DCHS2: variants seen among roughly 807,000 people sequenced by gnomAD.
DCHS2 encodes the protein protocadherin-23.
A neutral mutation model predicts 182.4 loss-of-function variants in DCHS2; 142 were observed. The observed-to-expected ratio is 0.78, with a 90% CI of 0.68 to 0.89. The LOEUF is 0.89. Ranked by LOEUF, DCHS2 falls within the 40% of genes least tolerant of loss-of-function variation. DCHS2 has a pLI of 0.00. For missense variants in DCHS2, 4,319 were observed against 4,198.6 expected (o/e 1.03, Z -0.79); for synonymous variants, 1,740 against 1,663.3 (o/e 1.05, Z -1.12).
rs1731393829 is a variant in DCHS2 at position 154,235,083 on chromosome 4, CTCTT to C, written c.9565_9568del (p.Lys3189GlufsTer24). 1 of 1,613,836 alleles carries C rather than the reference CTCTT, an allele frequency of 6.2e-7. No individual in the cohort carries two copies. The highest frequency in any genetic ancestry group is 8.5e-7 in the Non-Finnish European group (1 of 1,179,956). Reference sequence around the variant, plus strand: ...AGCCAGGATGCTCTCTTTTGCCTCTCTCTTCTGAACTGTCTGGGGTAACACATTA... The same window carrying C: ...AGCCAGGATGCTCTCTTTTGCCTCTCCTGAACTGTCTGGGGTAACACATTA... On this transcript the variant is annotated frameshift_variant, in exon 20 of 20. Coordinates refer to ENST00000357232, the MANE Select transcript of DCHS2 (RefSeq NM_001358235.2). LOFTEE classifies it low-confidence loss of function (END_TRUNC).
chr4:154,300,766 T>C (rs1489358310), intron 12 of DCHS2, among the ~76,000 whole-genome samples: 2 of 152,050 alleles, frequency 1.3e-5, no homozygotes, highest in African/African-American at 4.8e-5. Flanking sequence ...AGTAATCTAC[T>C]TGCGCAACAA....
chr4:154,349,877 A>G (rs1729528216), intron 3 of DCHS2, among the ~76,000 whole-genome samples: 1 of 152,240 alleles, frequency 6.6e-6, no homozygotes, highest in South Asian at 2.1e-4. Flanking sequence ...ATGCATAGCT[A>G]GTTCCAGAAA....
rs1158064465 is a variant in DCHS2, at chr4:154,490,734, G to A, written c.622C>T (p.Gln208Ter). Residue 208 changes from glutamine (Q) to a stop codon, truncating the protein, a stop_gained, in exon 1 of 20, where the codon CAA (glutamine) becomes TAA (stop). Coordinates refer to ENST00000357232, the MANE Select transcript of DCHS2 (RefSeq NM_001358235.2). LOFTEE classifies it high-confidence loss of function. ...GGGTCCTTGGGCAGGTCGGACGGTTGCACCAGGGTGTAGCCCTGAGTGCTG... is the reference window on the plus strand; with the variant it reads ...GGGTCCTTGGGCAGGTCGGACGGTTACACCAGGGTGTAGCCCTGAGTGCTG... ...LFSTQGYTLV[Q>*]PSDLPKDPAG... is the part of the protein sequence containing the mutation. 6 of 1,551,630 alleles carry A rather than the reference G, an allele frequency of 3.9e-6. No homozygotes were observed. The highest frequency in any genetic ancestry group is 5.2e-6 in the Non-Finnish European group (6 of 1,146,920).
At chr4:154,434,256 C>G (rs1733681453) in intron 1 of DCHS2, among the ~76,000 whole-genome samples, 1 of 152,068 alleles carries the variant, frequency 6.6e-6, no homozygotes, top group South Asian at 2.1e-4. Context: ...CCTGTCACTA[C>G]AGAAAATTTT....
In DCHS2 at chr4:154,417,192, TGTGTGTGTGTGTGAGAGAGAGAGA is replaced by T. The variant is rs1560745722; in HGVS notation, c.2053-39772_2053-39749del. On this transcript the variant is annotated intron_variant, in intron 1 of 19. Coordinates refer to ENST00000357232, the MANE Select transcript of DCHS2 (RefSeq NM_001358235.2). ...GTGTGTGTGTGTGTGTGTGTGTGTG[TGTGTGTGTGTGTGAGAGAGAGAGA>T]GAGAGAGAGAGAGAGAGAGAGAGAG... Among the ~76,000 whole-genome samples, 61 of 104,184 alleles carry T rather than the reference TGTGTGTGTGTGTGAGAGAGAGAGA, an allele frequency of 5.9e-4. 3 individuals carry two copies. Among genetic ancestry groups the T allele is most frequent in the South Asian group, 5.7e-3 (16 of 2,828 alleles). 68.3% of individuals were successfully genotyped at this position (104,184 alleles called of 152,430 possible).
intron 16 of DCHS2, among the ~76,000 whole-genome samples, chr4:154,247,635 CAAAAAAAAAAAAAAAAAAAAAAAA>C (rs67157369): frequency 6.0e-5 from 6 of 100,116 alleles, no homozygotes; most frequent in African/African-American, 8.1e-5. Flanking sequence ...GACTCCGTCT[CAAAAAAAAAAAAAAAAAAAAAAAA>C]AAAAAAAAAA....
intron 1 of DCHS2, among the ~76,000 whole-genome samples, chr4:154,425,714 C>T (rs1733296821): frequency 3.9e-5 from 6 of 152,226 alleles, no homozygotes; most frequent in Admixed American, 3.3e-4. Flanking sequence ...AGCCACAATG[C>T]TTAAATGAAC....
intron 1 of DCHS2, among the ~76,000 whole-genome samples, chr4:154,469,890 C>T (rs1260804476): frequency 6.6e-6 from 1 of 152,230 alleles, no homozygotes; most frequent in East Asian, 1.9e-4. Flanking sequence ...CCCAGCCACT[C>T]TTGAGCCCAT....
chr4:154,459,856 A>T (rs1237241110), intron 1 of DCHS2, among the ~76,000 whole-genome samples: 1 of 151,996 alleles, frequency 6.6e-6, no homozygotes, highest in African/African-American at 2.4e-5. Context: ...TAAAAATAGA[A>T]TATTCAAGAC....
At chr4:154,423,508 G>A (rs1733196169) in intron 1 of DCHS2, among the ~76,000 whole-genome samples, 1 of 152,156 alleles carries the variant, frequency 6.6e-6, no homozygotes, top group Non-Finnish European at 1.5e-5. Flanking sequence ...ACACAGAGAG[G>A]TGATCAAAAA....
At chr4:154,372,804 AGAGTATT>A (rs1311552861) in intron 2 of DCHS2, among the ~76,000 whole-genome samples, 1 of 152,218 alleles carries the variant, frequency 6.6e-6, no homozygotes, top group African/African-American at 2.4e-5. Flanking sequence ...CAGCAAAAAT[AGAGTATT>A]TCAGAAGTAA....
At chr4:154,370,817 T>G (rs1167748323) in intron 2 of DCHS2, among the ~76,000 whole-genome samples, 1 of 152,106 alleles carries the variant, frequency 6.6e-6, no homozygotes, top group Non-Finnish European at 1.5e-5. Flanking sequence ...CAGATTTACG[T>G]AGGGCTGGGG....
intron 16 of DCHS2, among the ~76,000 whole-genome samples, chr4:154,252,824 T>C (rs951243052): frequency 5.3e-5 from 8 of 152,218 alleles, no homozygotes; most frequent in African/African-American, 1.9e-4. Context: ...TGGGTATACA[T>C]CTAGGAGCAG....
chr4:154,394,541 CTT>C (rs1296521643), intron 1 of DCHS2, among the ~76,000 whole-genome samples: 1 of 152,196 alleles, frequency 6.6e-6, no homozygotes, highest in Admixed American at 6.5e-5. Context: ...TATTATCCCT[CTT>C]TGTCAAGATC....
At position 154,234,803 on chromosome 4, in the gene DCHS2, T is replaced by C. The variant is rs1332671528; in HGVS notation, c.9849A>G (p.Ala3283=). The change falls in exon 20 of 20, where the codon GCA becomes GCG. Residue 3283 remains alanine (A), a synonymous_variant. Transcript: ENST00000357232. Reference sequence around the variant, plus strand: ...CTGCTTTAATCCCAGGCTGGGCTACTGCTGTTATCAAAGGGGGTGGAAAAA... The same window carrying C: ...CTGCTTTAATCCCAGGCTGGGCTACCGCTGTTATCAAAGGGGGTGGAAAAA... ...SFVFPPPLIT[A]VAQPGIKAVP... The C allele has an allele frequency of 6.2e-7, 1 of 1,614,102 alleles. No homozygotes were observed. Among genetic ancestry groups the C allele is most frequent in the South Asian group, 1.1e-5 (1 of 91,082 alleles).
chr4:154,422,646 G>A (rs1272225555), intron 1 of DCHS2, among the ~76,000 whole-genome samples: 2 of 152,168 alleles, frequency 1.3e-5, no homozygotes, highest in African/African-American at 4.8e-5. Context: ...ATCTTCTGTT[G>A]TTTTAGCATA....
chr4:154,251,643 C>T (rs1732365323), intron 16 of DCHS2, among the ~76,000 whole-genome samples: 2 of 152,152 alleles, frequency 1.3e-5, no homozygotes, highest in African/African-American at 2.4e-5. Flanking sequence ...CTCAGCCTCC[C>T]GAGTAGCTGG....
rs1318193044 is a variant in DCHS2 at position 154,332,729 on chromosome 4, ACT to A, written c.3477_3478del (p.Arg1159SerfsTer25). Reference sequence around the variant, plus strand: ...TCCGTCCTCGGGGATCCAAGCAAACACTCTAAAATTATATGTTTGGGTGGATT... The same window carrying A: ...TCCGTCCTCGGGGATCCAAGCAAACACTAAAATTATATGTTTGGGTGGATT... On this transcript the variant is annotated frameshift_variant, in exon 5 of 20. Coordinates refer to ENST00000357232, the MANE Select transcript of DCHS2 (RefSeq NM_001358235.2). LOFTEE classifies it high-confidence loss of function. 9 of 1,614,050 alleles carry A rather than the reference ACT, an allele frequency of 5.6e-6. No individual in the cohort carries two copies. The highest frequency in any genetic ancestry group is 7.6e-6 in the Non-Finnish European group (9 of 1,180,038).
chr4:154,444,848 A>G (rs992879387), intron 1 of DCHS2, among the ~76,000 whole-genome samples: 8 of 152,090 alleles, frequency 5.3e-5, no homozygotes, highest in African/African-American at 1.9e-4. Context: ...CGCCCCGTTC[A>G]TTCCTCATTT....
Sources: gnomAD v4.1 joint callset for allele counts (sites outside exome capture counted in the v4.1 genomes callset) on GRCh38, gnomAD v4.1.1 for gene constraint, MANE v1.5 for transcripts, NCBI Gene and HGNC (gene_info 2026-07-23, HGNC 2026-07-21) for gene names.